Variants in GSE1 observed in about 807,000 individuals in gnomAD.
The protein encoded by GSE1 is Gse1 coiled-coil protein.
GSE1 carries 32 observed loss-of-function variants against 112.6 expected under a neutral mutation model. The observed-to-expected ratio is 0.28, with a 90% confidence interval of 0.21 to 0.38. GSE1 has a LOEUF of 0.38. Ranked by LOEUF, GSE1 falls within the 10% of genes least tolerant of loss-of-function variation. The pLI is 1.00. For synonymous variants in GSE1, 1,115 were observed against 735.6 expected (o/e 1.52, Z -8.35); for missense variants, 2,348 against 1,699.2 (o/e 1.38, Z -6.71).
chr16:85,672,524 G>C lies in GSE1; in HGVS notation c.3639G>C (p.Lys1213Asn), dbSNP rs769943964. ...PAMHWPRGYL[K>N]GYPR ...TGCACTGGCCTAGGGGCTACCTGAA[G>C]GGATATCCCAGGTGACGGTTTCCCT... The change falls in exon 16 of 16, where the codon AAG becomes AAC. Residue 1213 changes from lysine to asparagine, a missense_variant. Physicochemically the swap from Lys to Asn is moderately conservative, Grantham distance 94 (BLOSUM62 0). Coordinates refer to ENST00000253458, the MANE Select transcript of GSE1 (RefSeq NM_014615.5). The C allele has an allele frequency of 3.1e-6, 5 of 1,606,382 alleles. No individual in the cohort carries two copies. Among genetic ancestry groups the C allele is most frequent in the Non-Finnish European group, 4.3e-6 (5 of 1,173,934 alleles).
chr16:85,482,025 C>A (rs2050696190), intron 2 of GSE1, among the ~76,000 whole-genome samples: 1 of 152,254 alleles, frequency 6.6e-6, no homozygotes, highest in Non-Finnish European at 1.5e-5. Context: ...GCCATCTGGC[C>A]TCAGTCATTC....
chr16:85,233,060 G>C lies in GSE1; in HGVS notation c.2283+61253G>C, dbSNP rs565384866. Among the ~76,000 whole-genome samples the C allele has an allele frequency of 1.3e-5, 2 of 152,366 alleles. 1 individual carries two copies. The highest frequency in any genetic ancestry group is 3.9e-4 in the East Asian group (2 of 5,182). On this transcript the variant is annotated intron_variant, in intron 1 of 2. Coordinates refer to the GSE1 transcript ENST00000637419. Reference sequence around the variant, plus strand: ...TGCTTTGGTCCCAGTGGCCTTGCTGGGGCTGCTAGCCCCATGGCTCCAAAC... The same window carrying C: ...TGCTTTGGTCCCAGTGGCCTTGCTGCGGCTGCTAGCCCCATGGCTCCAAAC...
intron 12 of GSE1, 87 bp from the exon 13 acceptor site, chr16:85,665,889 A>C: frequency 7.7e-7 from 1 of 1,297,520 alleles, no homozygotes; most frequent in South Asian, 1.2e-5. Flanking sequence ...TGTTAAGTGT[A>C]AGCTCTAGAG....
chr16:85,191,955 G>A (rs898817251), intron 1 of GSE1, among the ~76,000 whole-genome samples: 4 of 152,168 alleles, frequency 2.6e-5, no homozygotes, highest in African/African-American at 9.7e-5. Flanking sequence ...GAGGGGCAGG[G>A]CACCAAGGAG....
intron 2 of GSE1, among the ~76,000 whole-genome samples, chr16:85,449,602 T>C (rs559395578): frequency 1.3e-5 from 2 of 152,262 alleles, no homozygotes; most frequent in African/African-American, 4.8e-5. Flanking sequence ...TCTTCCGGAA[T>C]GGACGCTTAT....
intron 2 of GSE1, among the ~76,000 whole-genome samples, chr16:85,391,896 C>G (rs1337872994): frequency 6.6e-6 from 1 of 152,166 alleles, no homozygotes; most frequent in Non-Finnish European, 1.5e-5. Context: ...CCGGGCTGCC[C>G]TGACTCATGC....
exon 1 of GSE1, chr16:85,170,877 C>A (rs2074348420): frequency 2.0e-6 from 2 of 985,408 alleles, no homozygotes; most frequent in African/African-American, 1.7e-5. Context: ...ATGTGGTGCC[C>A]CTGGACAGCC....
chr16:85,662,325 G>A (rs2052503207), intron 9 of GSE1: 2 of 154,394 alleles, frequency 1.3e-5, no homozygotes, highest in African/African-American at 2.4e-5. Flanking sequence ...GCAGGCGAGA[G>A]TGTGCAGAGG....
At chr16:85,428,824 C>T (rs937191625) in intron 2 of GSE1, among the ~76,000 whole-genome samples, 2 of 152,156 alleles carry the variant, frequency 1.3e-5, no homozygotes, top group African/African-American at 4.8e-5. Flanking sequence ...AGGGGAAAAT[C>T]GATTCTGCTT....
chr16:85,549,369 G>A (rs1295072457), intron 2 of GSE1, among the ~76,000 whole-genome samples: 1 of 152,018 alleles, frequency 6.6e-6, no homozygotes, highest in Non-Finnish European at 1.5e-5. Context: ...TAGCGACGGA[G>A]TCCCACTGTG....
At chr16:85,379,058 C>A (rs1485183780) in intron 2 of GSE1, among the ~76,000 whole-genome samples, 1 of 152,214 alleles carries the variant, frequency 6.6e-6, no homozygotes, top group African/African-American at 2.4e-5. Context: ...ACACCTCTCC[C>A]ACAGAGCCGC....
intron 1 of GSE1, among the ~76,000 whole-genome samples, chr16:85,596,546 A>C (rs1426163448): frequency 6.6e-6 from 1 of 152,232 alleles, no homozygotes; most frequent in Non-Finnish European, 1.5e-5. Flanking sequence ...GGCTCAGAAA[A>C]TTTAAGTTGT....
chr16:85,449,080 G>A (rs943403511), intron 2 of GSE1, among the ~76,000 whole-genome samples: 37 of 152,308 alleles, frequency 2.4e-4, no homozygotes, highest in African/African-American at 8.2e-4. Flanking sequence ...GCTGGAAACC[G>A]GGCCGGGAGC....
intron 2 of GSE1, among the ~76,000 whole-genome samples, chr16:85,472,755 G>C (rs2050334823): frequency 6.6e-6 from 1 of 152,214 alleles, no homozygotes. Context: ...CGGCCTAAAG[G>C]CTAAGGACAA....
chr16:85,246,001 AG>A (rs972505633), intron 1 of GSE1, among the ~76,000 whole-genome samples: 20 of 144,798 alleles, frequency 1.4e-4, no homozygotes, highest in African/African-American at 5.2e-4. Context: ...TGGGGAGGCA[AG>A]GGGTGTGTGC....
intron 2 of GSE1, among the ~76,000 whole-genome samples, chr16:85,464,512 C>T (rs1055487934): frequency 1.3e-5 from 2 of 152,232 alleles, no homozygotes; most frequent in Non-Finnish European, 2.9e-5. Context: ...CTCGGCAGCC[C>T]CCAGACGGCC....
At position 85,441,515 on chromosome 16, in the gene GSE1, C is replaced by T. The variant is rs542539207; in HGVS notation, c.2464+83872C>T. On this transcript the variant is annotated intron_variant, in intron 2 of 2. Transcript: ENST00000637419. ...ACTAAAAATGCGAAAATTAGCTGGG[C>T]GTAGTGGTGTGCGCCTGTAATCCCA... is the stretch of plus-strand genomic sequence containing the variant. Among the ~76,000 whole-genome samples, 12 of 152,186 alleles carry T rather than the reference C, an allele frequency of 7.9e-5. No individual in the cohort carries two copies. The South Asian group carries it at 2.3e-3, about 29-fold the overall frequency.
At position 85,672,255 on chromosome 16, in the gene GSE1, A is replaced by G. The variant is rs538133755; in HGVS notation, c.3520-150A>G. On this transcript the variant is annotated intron_variant, in intron 15 of 15. Coordinates refer to ENST00000253458, the MANE Select transcript of GSE1 (RefSeq NM_014615.5). Reference sequence around the variant, plus strand: ...GGTGATCTGCCCGCCTCGACCTCCAAAAGTGCTGGGATTACAGGCGTGAGC... The same window carrying G: ...GGTGATCTGCCCGCCTCGACCTCCAGAAGTGCTGGGATTACAGGCGTGAGC... 4.0e-4 allele frequency: 257 copies of G among 639,010 alleles called. No individual in the cohort carries two copies. The highest frequency in any genetic ancestry group is 6.1e-4 in the Non-Finnish European group (213 of 348,324). 39.6% of individuals were successfully genotyped at this position (639,010 alleles called of 1,614,324 possible).
At chr16:85,314,778 G>T (rs1454053075) in intron 1 of GSE1, among the ~76,000 whole-genome samples, 1 of 152,200 alleles carries the variant, frequency 6.6e-6, no homozygotes, top group African/African-American at 2.4e-5. Flanking sequence ...TCCCAGGCAA[G>T]GTTCCCTGGG....
Sources: allele counts gnomAD v4.1 joint callset (sites outside exome capture counted in the v4.1 genomes callset), GRCh38; gene constraint gnomAD v4.1.1; transcripts MANE v1.5; gene names NCBI Gene and HGNC (gene_info 2026-07-23, HGNC 2026-07-21).